The following GALNT13 variants were observed in gnomAD, a reference collection of about 807,000 sequenced individuals.
The protein encoded by GALNT13 is UDP-GalNAc:polypeptide N-acetylgalactosaminyltransferase 13.
A neutral mutation model predicts 64.2 loss-of-function variants in GALNT13; 28 were observed. The ratio of observed to expected loss-of-function variants is 0.44; its 90% CI spans 0.32 to 0.60. The LOEUF is 0.60. Among genes scored for constraint, GALNT13 ranks in the 20% least tolerant of loss-of-function variants. The probability of loss-of-function intolerance (pLI) is 0.05; values close to 1 mark genes in which losing one functional copy is unlikely to be tolerated. For synonymous variants in GALNT13, 214 were observed against 224.6 expected (o/e 0.95, Z 0.42); for missense variants, 577 against 669.8 (o/e 0.86, Z 1.53).
chr2:153,837,567 A>G, the GALNT13 span, among the ~76,000 whole-genome samples: 19 of 151,902 alleles, frequency 1.3e-4, no homozygotes, highest in Non-Finnish European at 2.2e-4. Context: ...CATCCATTTT[A>G]TTGCAAATCA....
At chr2:153,787,779 A>G in the GALNT13 span, among the ~76,000 whole-genome samples, 1 of 152,226 alleles carries the variant, frequency 6.6e-6, no homozygotes, top group Admixed American at 6.5e-5. Context: ...AAAACATACT[A>G]CAAGAATTTT....
the GALNT13 span, among the ~76,000 whole-genome samples, chr2:153,718,414 G>GTT: frequency 2.1e-3 from 299 of 142,750 alleles, no homozygotes; most frequent in Admixed American, 2.5e-3. Context: ...AGCTTAAAGG[G>GTT]TTTTTTTTTT....
the GALNT13 span, among the ~76,000 whole-genome samples, chr2:153,456,609 G>A: frequency 1.3e-4 from 20 of 152,246 alleles, no homozygotes; most frequent in African/African-American, 4.3e-4. Context: ...TCAGTACCTA[G>A]CAATGAGCAT....
intron 3 of GALNT13, among the ~76,000 whole-genome samples, chr2:153,946,163 A>G (rs556824763): frequency 6.6e-6 from 1 of 152,262 alleles, no homozygotes; most frequent in East Asian, 1.9e-4. Context: ...GATGGATTAC[A>G]TCAGTTTGGA....
At chr2:154,210,602 G>A (rs973561064) in intron 4 of GALNT13, among the ~76,000 whole-genome samples, 8 of 152,076 alleles carry the variant, frequency 5.3e-5, no homozygotes, top group Non-Finnish European at 1.2e-4. Flanking sequence ...AAACCTACAG[G>A]GTCCTATTTA....
rs763582423 is a variant in GALNT13, at chr2:154,301,538, G to A, written c.1105G>A (p.Ala369Thr). 5 of 1,613,012 alleles carry A rather than the reference G, an allele frequency of 3.1e-6. No individual in the cohort carries two copies. Among genetic ancestry groups the A allele is most frequent in the East Asian group, 2.2e-5 (1 of 44,836 alleles). The change falls in exon 9 of 13, where the codon GCA (alanine) becomes ACA (threonine). Residue 369 changes from alanine to threonine, a missense_variant. Coordinates refer to ENST00000392825, the MANE Select transcript of GALNT13 (RefSeq NM_052917.4). ...HVINKNNRRL[A>T]EVWMDEFKDF... ...CATCAACAAGAACAACAGGAGACTG[G>A]CAGAAGTTTGGATGGATGAATTTAA...
intron 4 of GALNT13, among the ~76,000 whole-genome samples, chr2:154,177,722 GT>G (rs1221285685): frequency 6.6e-6 from 1 of 152,108 alleles, no homozygotes; most frequent in Non-Finnish European, 1.5e-5. Context: ...AAACCTAAAA[GT>G]AAAAATAATG....
At chr2:153,527,788 G>A in the GALNT13 span, among the ~76,000 whole-genome samples, 2 of 152,052 alleles carry the variant, frequency 1.3e-5, no homozygotes, top group Non-Finnish European at 1.5e-5. Flanking sequence ...GAGGGATGAA[G>A]TTAGGGCATA....
At chr2:153,720,481 G>C in the GALNT13 span, among the ~76,000 whole-genome samples, 1 of 123,932 alleles carries the variant, frequency 8.1e-6, no homozygotes, top group Admixed American at 1.0e-4. Context: ...GACGAGCTGA[G>C]AGAGGAAGGC....
chr2:154,039,488 GTTAAA>G (rs1698859639), intron 3 of GALNT13, among the ~76,000 whole-genome samples: 1 of 140,118 alleles, frequency 7.1e-6, no homozygotes, highest in Admixed American at 7.2e-5. Flanking sequence ...AAGACCTTAT[GTTAAA>G]TTAAATGAAT....
At position 153,910,445 on chromosome 2, in the gene GALNT13, A is replaced by G. The variant is rs796382647; in HGVS notation, c.-105+9438A>G. Among the ~76,000 whole-genome samples the G allele has an allele frequency of 9.2e-5, 14 of 151,992 alleles. 1 individual carries two copies. The highest frequency in any genetic ancestry group is 3.4e-4 in the African/African-American group (14 of 41,490). On this transcript the variant is annotated intron_variant, in intron 2 of 12. Coordinates refer to ENST00000392825, the MANE Select transcript of GALNT13 (RefSeq NM_052917.4). Reference sequence around the variant, plus strand: ...ATGTGTCAATCTCTTTCAGTTCAGCATTGATTATGTTTGTTTCTGGTCTTC... The same window carrying G: ...ATGTGTCAATCTCTTTCAGTTCAGCGTTGATTATGTTTGTTTCTGGTCTTC...
At chr2:153,446,076 A>G in the GALNT13 span, among the ~76,000 whole-genome samples, 2 of 152,232 alleles carry the variant, frequency 1.3e-5, no homozygotes, top group African/African-American at 4.8e-5. Context: ...AGCATGGTCT[A>G]TATTAAAAAA....
rs781351241 is a variant in GALNT13, at chr2:154,200,911, C to G, written c.312-41119C>G. 6.7e-4 allele frequency among the ~76,000 whole-genome samples: 102 copies of G among 152,216 alleles called. 1 individual carries two copies. Among genetic ancestry groups the G allele is most frequent in the South Asian group, 4.6e-3 (22 of 4,824 alleles). ...TTTTGAACTGAAGAGGCTTTGGGAACTAGCCTAGAAAATGTATATCTTATA... is the reference window on the plus strand; with the variant it reads ...TTTTGAACTGAAGAGGCTTTGGGAAGTAGCCTAGAAAATGTATATCTTATA... On this transcript the variant is annotated intron_variant, in intron 4 of 12. Coordinates refer to ENST00000392825, the MANE Select transcript of GALNT13 (RefSeq NM_052917.4).
intron 7 of GALNT13, among the ~76,000 whole-genome samples, chr2:154,248,477 A>G (rs1689902233): frequency 1.3e-5 from 2 of 152,268 alleles, no homozygotes; most frequent in South Asian, 4.1e-4. Flanking sequence ...ACTTTTCAAG[A>G]ATATTTCAAT....
At chr2:153,248,973 A>T in the GALNT13 span, among the ~76,000 whole-genome samples, 3 of 152,210 alleles carry the variant, frequency 2.0e-5, no homozygotes, top group African/African-American at 7.2e-5. Context: ...CTGGCACAAG[A>T]CAAGAATGCT....
the GALNT13 span, among the ~76,000 whole-genome samples, chr2:153,767,178 C>T: frequency 6.6e-6 from 1 of 152,068 alleles, no homozygotes; most frequent in Non-Finnish European, 1.5e-5. Context: ...TGTTTTGCAT[C>T]CACTTATAAG....
At chr2:153,199,941 A>G in the GALNT13 span, among the ~76,000 whole-genome samples, 2 of 152,226 alleles carry the variant, frequency 1.3e-5, no homozygotes, top group Non-Finnish European at 1.5e-5. Flanking sequence ...TGCAGAAGAA[A>G]CAAGATCTAT....
At chr2:153,595,361 G>A in the GALNT13 span, among the ~76,000 whole-genome samples, 1 of 151,666 alleles carries the variant, frequency 6.6e-6, no homozygotes, top group Non-Finnish European at 1.5e-5. Context: ...AAATTTAAAT[G>A]TTTGTTTATA....
the GALNT13 span, among the ~76,000 whole-genome samples, chr2:153,137,623 AT>A: frequency 9.9e-5 from 15 of 151,564 alleles, no homozygotes; most frequent in African/African-American, 3.6e-4. Context: ...CCTGAAACTC[AT>A]TTTCCAAACA....
Sources: allele counts gnomAD v4.1 joint callset (sites outside exome capture counted in the v4.1 genomes callset), GRCh38; gene constraint gnomAD v4.1.1; transcripts MANE v1.5; gene names NCBI Gene and HGNC (gene_info 2026-07-23, HGNC 2026-07-21).